GRAMD2B: variants seen among roughly 807,000 people sequenced by gnomAD.
GRAMD2B encodes GRAM domain-containing protein 2B.
A neutral mutation model predicts 59.2 loss-of-function variants in GRAMD2B; 41 were observed. The observed-to-expected ratio is 0.69, with a 90% confidence interval of 0.54 to 0.90. The LOEUF is 0.90. GRAMD2B is among the 40% of genes least tolerant of loss of function. The probability of loss-of-function intolerance (pLI) is 0.00; values close to 1 mark genes in which losing one functional copy is unlikely to be tolerated. For synonymous variants in GRAMD2B, 161 were observed against 182.7 expected (o/e 0.88, Z 0.96); for missense variants, 424 against 500.5 (o/e 0.85, Z 1.46).
intron 3 of GRAMD2B, among the ~76,000 whole-genome samples, chr5:126,470,752 T>A (rs906339449): frequency 2.6e-5 from 4 of 151,972 alleles, no homozygotes; most frequent in African/African-American, 4.8e-5. Context: ...ACAGACAGGG[T>A]GTTGCCGTGT....
At chr5:126,439,375 G>A (rs1762929797) in intron 1 of GRAMD2B, among the ~76,000 whole-genome samples, 1 of 136,810 alleles carries the variant, frequency 7.3e-6, no homozygotes, top group Non-Finnish European at 1.5e-5. Flanking sequence ...TGCCCAGGCT[G>A]AAGTGCAGTG....
At chr5:126,492,030 G>A (rs1774031340) in intron 13 of GRAMD2B, among the ~76,000 whole-genome samples, 1 of 152,172 alleles carries the variant, frequency 6.6e-6, no homozygotes, top group South Asian at 2.1e-4. Context: ...ACAGCACCCG[G>A]CTTCTATGAA....
chr5:126,481,732 C>T (rs1276567263), intron 8 of GRAMD2B, among the ~76,000 whole-genome samples: 2 of 152,100 alleles, frequency 1.3e-5, no homozygotes, highest in African/African-American at 4.8e-5. Flanking sequence ...CTTTGGGAGG[C>T]CGAGGCGGGT....
intron 9 of GRAMD2B, 68 bp downstream of exon 9, chr5:126,483,642 A>T (rs1772303134): frequency 7.0e-6 from 3 of 430,132 alleles, no homozygotes; most frequent in Non-Finnish European, 7.8e-6. Context: ...CCACCCCCTT[A>T]AAAAAAAAAA....
At chr5:126,435,334 T>C (rs932430891) in intron 1 of GRAMD2B, among the ~76,000 whole-genome samples, 1 of 152,168 alleles carries the variant, frequency 6.6e-6, no homozygotes, top group Non-Finnish European at 1.5e-5. Context: ...AGGAAGAATG[T>C]GTCTTTAACT....
At chr5:126,457,822 T>C (rs1042961135) in intron 1 of GRAMD2B, among the ~76,000 whole-genome samples, 21 of 151,522 alleles carry the variant, frequency 1.4e-4, no homozygotes, top group African/African-American at 4.9e-4. Flanking sequence ...CGGGGAGGTG[T>C]GTGGGTCAGG....
intron 1 of GRAMD2B, among the ~76,000 whole-genome samples, chr5:126,448,641 G>A (rs1304904220): frequency 6.6e-6 from 1 of 152,100 alleles, no homozygotes; most frequent in Non-Finnish European, 1.5e-5. Context: ...CAGGCAGGAG[G>A]CATTAAGGAC....
chr5:126,391,265 CAGGA>C lies in GRAMD2B; in HGVS notation c.125+19699_125+19702del, dbSNP rs1756721103. ...CTGAGGCAGGAGAATCGCTTGAACCCAGGAGGATTGTGCCACTGCACTCCAGCCT... is the reference window on the plus strand; with the variant it reads ...CTGAGGCAGGAGAATCGCTTGAACCCGGATTGTGCCACTGCACTCCAGCCT... On this transcript the variant is annotated intron_variant, in intron 1 of 8. Transcript: ENST00000506445. 4.3e-5 allele frequency among the ~76,000 whole-genome samples: 6 copies of C among 140,742 alleles called. No individual in the cohort carries two copies. In the South Asian group the frequency reaches 1.4e-3, roughly 32 times the overall value. The allele number at this position is 140,742 out of a possible 152,430, so 92.3% of individuals were successfully genotyped here.
chr5:126,375,020 G>C (rs111661613), intron 1 of GRAMD2B, among the ~76,000 whole-genome samples: 1,667 of 152,248 alleles, frequency 0.011, 38 homozygotes, highest in African/African-American at 0.038. Context: ...TCTTTACGAT[G>C]TTAAATATAC....
chr5:126,433,322 T>C (rs961635706), intron 1 of GRAMD2B, among the ~76,000 whole-genome samples: 3 of 152,148 alleles, frequency 2.0e-5, no homozygotes, highest in Non-Finnish European at 4.4e-5. Context: ...GAAGCCAAAA[T>C]AGAAAGGCAG....
chr5:126,483,487 C>T lies in GRAMD2B; in HGVS notation c.760C>T (p.Leu254=), dbSNP rs1318875429. ...PLDFNDEFSD[L]DGVVQQRRQD... is the part of the protein sequence containing the mutation. ...GGATTTCAATGATGAATTCTCAGAT[C>T]TGGATGGAGTGGTTCAACAAAGAAG... The change falls in exon 9 of 14, where the codon CTG becomes TTG. Residue 254 remains leucine (L), a synonymous_variant. Coordinates refer to ENST00000285689, the MANE Select transcript of GRAMD2B (RefSeq NM_023927.4). 9.3e-6 allele frequency: 15 copies of T among 1,609,964 alleles called. No individual in the cohort carries two copies. The highest frequency in any genetic ancestry group is 1.3e-5 in the Non-Finnish European group (15 of 1,176,472).
At chr5:126,482,984 A>G (rs1273882497) in intron 8 of GRAMD2B, among the ~76,000 whole-genome samples, 1 of 152,240 alleles carries the variant, frequency 6.6e-6, no homozygotes, top group Non-Finnish European at 1.5e-5. Flanking sequence ...CTTTACTTTC[A>G]GGGTCTAATT....
At chr5:126,454,726 T>C (rs976693963) in intron 1 of GRAMD2B, among the ~76,000 whole-genome samples, 4 of 152,166 alleles carry the variant, frequency 2.6e-5, no homozygotes, top group Non-Finnish European at 4.4e-5. Context: ...GATGGTGGCC[T>C]CTGCTAAACC....
chr5:126,391,160 G>T (rs1297287250), intron 1 of GRAMD2B, among the ~76,000 whole-genome samples: 1 of 151,666 alleles, frequency 6.6e-6, no homozygotes, highest in Non-Finnish European at 1.5e-5. Context: ...GGCCAACATG[G>T]TAAAACCCCA....
intron 1 of GRAMD2B, among the ~76,000 whole-genome samples, chr5:126,448,523 T>C (rs945655886): frequency 1.6e-4 from 24 of 152,106 alleles, no homozygotes; most frequent in African/African-American, 5.8e-4. Flanking sequence ...AGGAATGATA[T>C]GATCATATTT....
At chr5:126,421,708 G>T (rs1289290599), upstream of GRAMD2B, among the ~76,000 whole-genome samples, 3 of 152,172 alleles carry the variant, frequency 2.0e-5, no homozygotes, top group African/African-American at 7.2e-5. Context: ...TCAGCCTAAT[G>T]ATATATATGT....
At position 126,480,448 on chromosome 5, in the gene GRAMD2B, T is replaced by C; in HGVS notation, c.583-8T>C. On this transcript the variant is annotated splice_polypyrimidine_tract_variant and splice_region_variant and intron_variant, in intron 6 of 13. Transcript: ENST00000285689. ...ATCTATTCATAATTATCCTGTTTTGTTTTTCAGTACATATTTGTCTCCTTA... is the reference window on the plus strand; with the variant it reads ...ATCTATTCATAATTATCCTGTTTTGCTTTTCAGTACATATTTGTCTCCTTA... 6.3e-7 allele frequency: 1 copy of C among 1,597,612 alleles called. No individual in the cohort carries two copies. The highest frequency in any genetic ancestry group is 8.6e-7 in the Non-Finnish European group (1 of 1,165,254).
intron 1 of GRAMD2B, among the ~76,000 whole-genome samples, chr5:126,365,346 T>C (rs1032390516): frequency 5.9e-5 from 9 of 152,292 alleles, no homozygotes; most frequent in African/African-American, 9.6e-5. Flanking sequence ...CTAATAATCA[T>C]ACTATCTTCA....
At chr5:126,394,531 T>C (rs950448850) in intron 1 of GRAMD2B, among the ~76,000 whole-genome samples, 2 of 152,166 alleles carry the variant, frequency 1.3e-5, no homozygotes, top group African/African-American at 4.8e-5. Flanking sequence ...CTGGAAGTGT[T>C]AAAGTCTTTG....
Sources: gnomAD v4.1 joint callset for allele counts (sites outside exome capture counted in the v4.1 genomes callset) on GRCh38, gnomAD v4.1.1 for gene constraint, MANE v1.5 for transcripts, NCBI Gene and HGNC (gene_info 2026-07-23, HGNC 2026-07-21) for gene names.